ERCC3: variants seen among roughly 807,000 people sequenced by gnomAD.
ERCC3 encodes the protein general transcription and DNA repair factor IIH helicase/translocase subunit XPB.
In ERCC3, 66 loss-of-function variants were observed where a neutral mutation model predicts 94.2. That is an observed-to-expected ratio of 0.70 (90% CI 0.57 to 0.86). The LOEUF (loss-of-function observed/expected upper bound fraction) is 0.86. Ranked by LOEUF, ERCC3 falls within the 40% of genes least tolerant of loss-of-function variation. The pLI is 0.00. For missense variants in ERCC3, 829 were observed against 987.1 expected (o/e 0.84, Z 2.15); for synonymous variants, 349 against 369.1 (o/e 0.95, Z 0.63).
rs756787161 is a variant in ERCC3, at chr2:127,288,692, C to G, written c.995G>C (p.Arg332Pro). 1.2e-6 allele frequency: 2 copies of G among 1,614,006 alleles called. No individual in the cohort carries two copies. Among genetic ancestry groups the G allele is most frequent in the African/African-American group, 1.3e-5 (1 of 74,920 alleles). Residue 332 changes from arginine (R) to proline (P), a missense_variant, in exon 7 of 15, where the codon CGT becomes CCT. Physicochemically the swap from Arg to Pro is moderately radical, Grantham distance 103 (BLOSUM62 -2). Transcript: ENST00000285398. ...AAGAACAATGACCCCCGAACGTGCA[C>G]GCCCGTTTCCAAACATCTTTCGCAA... ...KSLRKMFGNG[R>P]ARSGVIVLPC...
At chr2:127,289,872 C>T (rs1206165804) in intron 4 of ERCC3, 48 bp from the exon 5 acceptor site, 1 of 1,604,450 alleles carries the variant, frequency 6.2e-7, no homozygotes. Flanking sequence ...CAGGTACCTC[C>T]TGGAGATTCC....
At chr2:127,288,179 C>T (rs1272627409) in intron 7 of ERCC3, among the ~76,000 whole-genome samples, 2 of 152,110 alleles carry the variant, frequency 1.3e-5, no homozygotes, top group East Asian at 1.9e-4. Context: ...GGGGCCACTC[C>T]TGCCTTTCCC....
rs774188273 is a variant in ERCC3, at chr2:127,292,670, G to C, written c.411C>G (p.Thr137=). The C allele has an allele frequency of 1.2e-6, 2 of 1,614,146 alleles. No individual in the cohort carries two copies. Among genetic ancestry groups the C allele is most frequent in the Admixed American group, 1.7e-5 (1 of 60,028 alleles). ...VSVGLQTSDI[T]EYLRKLSKTG... is the part of the protein sequence containing the mutation. ...TCTTGCTGAGCTTCCTGAGGTACTC[G>C]GTGATGTCACTGGTTTGCAGCCCAA... The change falls in exon 3 of 15, where the codon ACC becomes ACG. Residue 137 remains threonine, a synonymous_variant. Transcript: ENST00000285398.
chr2:127,284,581 G>A lies in ERCC3; in HGVS notation c.1342+2122C>T, dbSNP rs563836346. 2.0e-4 allele frequency among the ~76,000 whole-genome samples: 31 copies of A among 152,248 alleles called. 3 individuals carry two copies. In the South Asian group the frequency reaches 5.8e-3, roughly 28 times the overall value. ...ATGCACAGAAAGAACCAGATGCTGG[G>A]GCCATTTTGACATTTTGAACACTAC... is the stretch of plus-strand genomic sequence containing the variant. On this transcript the variant is annotated intron_variant, in intron 8 of 14. Coordinates refer to ENST00000285398, the MANE Select transcript of ERCC3 (RefSeq NM_000122.2). The surrounding 1 kb of genome is among the most constrained non-coding windows in gnomAD (Gnocchi z 4.1).
rs1211945316 is a variant in ERCC3, at chr2:127,292,692, C to A, written c.389G>T (p.Gly130Val). 6.2e-7 allele frequency: 1 copy of A among 1,614,076 alleles called. No homozygotes were observed. The highest frequency in any genetic ancestry group is 1.1e-5 in the South Asian group (1 of 91,058). Residue 130 changes from glycine (G) to valine (V), a missense_variant, in exon 3 of 15, where the codon GGG becomes GTG. Physicochemically the swap from Gly to Val is moderately radical, Grantham distance 109. Coordinates refer to ENST00000285398, the MANE Select transcript of ERCC3 (RefSeq NM_000122.2). ...AYSLYAAVSV[G>V]LQTSDITEYL... is the part of the protein sequence containing the mutation. ...CTCGGTGATGTCACTGGTTTGCAGC[C>A]CAACGCTGACAGCTGCATACAAGGA... is the stretch of plus-strand genomic sequence containing the variant.
At position 127,280,610 on chromosome 2, in the gene ERCC3, A is replaced by G; in HGVS notation, c.1364T>C (p.Leu455Pro). The G allele has an allele frequency of 6.2e-7, 1 of 1,614,124 alleles. No homozygotes were observed. The highest frequency in any genetic ancestry group is 8.5e-7 in the Non-Finnish European group (1 of 1,180,006). The change falls in exon 9 of 15, where the codon CTC (leucine) becomes CCC (proline). Residue 455 changes from leucine (L) to proline (P), a missense_variant. Coordinates refer to ENST00000285398, the MANE Select transcript of ERCC3 (RefSeq NM_000122.2). The surrounding 1 kb of genome is among the most constrained non-coding windows in gnomAD (Gnocchi z 6.3). ...CTTACAGTGGGCCTGCACGATGGTG[A>G]GCACCCTTCGGAACATCTTGGCTGA... ...TIPAKMFRRV[L>P]TIVQAHCKLG...
chr2:127,291,009 G>A lies in ERCC3; in HGVS notation c.472-736C>T, dbSNP rs904725435. 2 of 152,490 alleles carry A rather than the reference G, an allele frequency of 1.3e-5. No individual in the cohort carries two copies. Among genetic ancestry groups the A allele is most frequent in the Non-Finnish European group, 2.9e-5 (2 of 68,362 alleles). The allele number at this position is 152,490 out of a possible 1,614,324, so 9.4% of individuals were successfully genotyped here. A position where few individuals can be genotyped will look rare whatever the true frequency, so the allele number is the denominator to read the frequency against. On this transcript the variant is annotated intron_variant, in intron 3 of 14. Transcript: ENST00000285398. This position sits in a 1 kb window ranked among gnomAD's most constrained non-coding sequence, Gnocchi z 4.9. ...AGGCAGGAGAACTGCTTGAGCCTGG[G>A]AGGTAGAGGTTGCAGTGAGCCAAGA...
At chr2:127,270,357 T>G (rs1684510381) in intron 12 of ERCC3, among the ~76,000 whole-genome samples, 1 of 152,162 alleles carries the variant, frequency 6.6e-6, no homozygotes, top group Non-Finnish European at 1.5e-5. Flanking sequence ...ATAAGCTGAA[T>G]CCTCACAGCA....
rs11345447 is a variant in ERCC3, at chr2:127,271,489, G to GA, written c.1828-37dup. ...AAGTTGGAAGGTTTTTATATATGAG[G>GA]AAAAAAAAAAAGTCAACTGATCCAG... On this transcript the variant is annotated intron_variant, in intron 11 of 14. Transcript: ENST00000285398. The surrounding 1 kb of genome is among the most constrained non-coding windows in gnomAD (Gnocchi z 5.0). 18,108 of 1,095,248 alleles carry GA rather than the reference G, an allele frequency of 0.017. No homozygotes were observed. The highest frequency in any genetic ancestry group is 0.019 in the Non-Finnish European group (14,502 of 765,324). 67.8% of individuals were successfully genotyped at this position (1,095,248 alleles called of 1,614,324 possible). A position where few individuals can be genotyped will look rare whatever the true frequency, so the allele number is the denominator to read the frequency against.
At chr2:127,288,106 T>C (rs554056479) in intron 7 of ERCC3, among the ~76,000 whole-genome samples, 39 of 152,306 alleles carry the variant, frequency 2.6e-4, no homozygotes, top group African/African-American at 9.1e-4. Context: ...TGCTGTGGTC[T>C]CTGGCCAAGA....
intron 12 of ERCC3, among the ~76,000 whole-genome samples, chr2:127,265,604 A>AAC (rs1323634227): frequency 2.1e-4 from 32 of 152,120 alleles, no homozygotes; most frequent in Non-Finnish European, 4.0e-4. Flanking sequence ...TTTTTAGTAG[A>AAC]GACGGGGTTT....
rs1246114814 is a variant in ERCC3 at position 127,259,825 on chromosome 2, T to A, written c.2065-377A>T. 2.9e-6 allele frequency: 1 copy of A among 342,906 alleles called. No homozygotes were observed. The highest frequency in any genetic ancestry group is 4.1e-5 in the Admixed American group (1 of 24,366). 21.2% of individuals were successfully genotyped at this position (342,906 alleles called of 1,614,324 possible). A position where few individuals can be genotyped will look rare whatever the true frequency, so the allele number is the denominator to read the frequency against. ...GGACAAGTGACTGGAAGGCACAGGC[T>A]GTGGCCCTTTGTGAAGGTCCCTGGC... On this transcript the variant is annotated intron_variant, in intron 13 of 14. Transcript: ENST00000285398. This position sits in a 1 kb window ranked among gnomAD's most constrained non-coding sequence, Gnocchi z 4.9.
At chr2:127,266,706 ATTATTTT>A (rs1441288390) in intron 12 of ERCC3, among the ~76,000 whole-genome samples, 1 of 130,730 alleles carries the variant, frequency 7.6e-6, no homozygotes, top group Non-Finnish European at 1.6e-5. Context: ...CACATGATCA[ATTATTTT>A]TTTTTTTTTT....
rs373640708 is a variant in ERCC3, at chr2:127,282,503, A to G, written c.1343-1872T>C. On this transcript the variant is annotated intron_variant, in intron 8 of 14. Transcript: ENST00000285398. ...AAGTACCATAATATGAATCATTAAT[A>G]AAAAGGCATAACAGAGCTCCTTTTG... Among the ~76,000 whole-genome samples, 20 of 152,378 alleles carry G rather than the reference A, an allele frequency of 1.3e-4. No homozygotes were observed. In the South Asian group the frequency reaches 3.7e-3, roughly 28 times the overall value.
rs1240121299 is a variant in ERCC3 at position 127,282,432 on chromosome 2, T to C, written c.1343-1801A>G. 3.9e-5 allele frequency among the ~76,000 whole-genome samples: 6 copies of C among 152,156 alleles called. 1 individual carries two copies. Among genetic ancestry groups the C allele is most frequent in the Middle Eastern group, 6.3e-3 (2 of 316 alleles). ...TCTCAATAAATACCTGTAGAAATAA[T>C]GAAACTGGCACAGTACCTAGCACAC... On this transcript the variant is annotated intron_variant, in intron 8 of 14. Transcript: ENST00000285398.
At chr2:127,290,601 T>C (rs764706087) in intron 3 of ERCC3, 1 of 418,474 alleles carries the variant, frequency 2.4e-6, no homozygotes, top group Non-Finnish European at 4.5e-6. Flanking sequence ...CCAGTATTAC[T>C]ACAACTCCAC....
At chr2:127,270,344 C>T (rs1393334650) in intron 12 of ERCC3, among the ~76,000 whole-genome samples, 1 of 152,144 alleles carries the variant, frequency 6.6e-6, no homozygotes, top group South Asian at 2.1e-4. Context: ...CATTTTATGA[C>T]TTATAAGCTG....
Position 127,289,377 on chromosome 2 carries a change from T to G in ERCC3, c.782A>C (p.Glu261Ala). ...AGACACTGTCTGTGTCTCTTCTTCT[T>G]CTTCTTCATCCTTGTCCATTTGCTC... ...FYEQMDKDEE[E>A]EEETQTVSFE... Residue 261 changes from glutamate to alanine, a missense_variant, in exon 6 of 15, where the codon GAA becomes GCA. Physicochemically the swap from Glu to Ala is moderately radical, Grantham distance 107. Transcript: ENST00000285398. 6.2e-7 allele frequency: 1 copy of G among 1,613,722 alleles called. No individual in the cohort carries two copies. The highest frequency in any genetic ancestry group is 1.1e-5 in the South Asian group (1 of 91,060).
At chr2:127,278,034 G>A (rs1224897180) in intron 10 of ERCC3, among the ~76,000 whole-genome samples, 1 of 152,070 alleles carries the variant, frequency 6.6e-6, no homozygotes. Flanking sequence ...GAGCTCAGGA[G>A]TTTGAGACCA....
Sources: allele counts gnomAD v4.1 joint callset (sites outside exome capture counted in the v4.1 genomes callset), GRCh38; gene constraint gnomAD v4.1.1; non-coding constraint Gnocchi (gnomAD v3.1); transcripts MANE v1.5; gene names NCBI Gene and HGNC (gene_info 2026-07-23, HGNC 2026-07-21).